Variants in ZNF423 observed in about 807,000 individuals in gnomAD.
The protein encoded by ZNF423 is Ebf-associated zinc finger protein.
In ZNF423, 12 loss-of-function variants were observed where a neutral mutation model predicts 95.8. The ratio of observed to expected loss-of-function variants is 0.13; its 90% CI spans 0.08 to 0.20. The LOEUF (loss-of-function observed/expected upper bound fraction) is 0.20, where lower values mean the gene tolerates loss of function less well. Ranked by LOEUF, ZNF423 falls within the 10% of genes least tolerant of loss-of-function variation. The pLI, the probability that ZNF423 is intolerant of heterozygous loss-of-function variation, is 1.00. For synonymous variants in ZNF423, 749 were observed against 711.9 expected, an observed-to-expected ratio of 1.05 and a Z score of -0.83; for missense variants, 1,316 against 1,737.1, an observed-to-expected ratio of 0.76 and a Z score of 4.31.
intron 4 of ZNF423, among the ~76,000 whole-genome samples, chr16:49,629,630 G>T (rs762777846): frequency 1.3e-5 from 2 of 152,216 alleles, no homozygotes; most frequent in African/African-American, 2.4e-5. Context: ...ATACATTGTT[G>T]TGTCAGGGTG....
At chr16:49,517,774 C>G (rs1242930972) in intron 7 of ZNF423, 1 of 345,462 alleles carries the variant, frequency 2.9e-6, no homozygotes, top group Non-Finnish European at 5.6e-6. Flanking sequence ...ACTTGGGCTA[C>G]TTTAACTCTG....
At chr16:49,824,315 T>C (rs2034982356) in intron 1 of ZNF423, among the ~76,000 whole-genome samples, 1 of 152,064 alleles carries the variant, frequency 6.6e-6, no homozygotes, top group Non-Finnish European at 1.5e-5. Flanking sequence ...CTGTCACAGG[T>C]AGGGACCCTG....
At chr16:49,756,300 G>T (rs758890873) in intron 2 of ZNF423, among the ~76,000 whole-genome samples, 1 of 152,204 alleles carries the variant, frequency 6.6e-6, no homozygotes. Flanking sequence ...CTATCTTAAT[G>T]ACAGCTCTCT....
At chr16:49,842,410 A>AAGGAAGGAAGGCAGGC (rs1448904663) in intron 1 of ZNF423, among the ~76,000 whole-genome samples, 82 of 77,934 alleles carry the variant, frequency 1.1e-3, no homozygotes, top group East Asian at 3.8e-3. Context: ...GGAAGGAAGG[A>AAGGAAGGAAGGCAGGC]AGGCAGGCAG....
At chr16:49,621,904 C>T (rs963890525) in intron 5 of ZNF423, among the ~76,000 whole-genome samples, 2 of 152,224 alleles carry the variant, frequency 1.3e-5, no homozygotes, top group Non-Finnish European at 2.9e-5. Context: ...CCTGTTCACT[C>T]ACCCCAGGAC....
chr16:49,724,338 TA>T (rs1189113902), intron 3 of ZNF423, among the ~76,000 whole-genome samples: 1 of 152,194 alleles, frequency 6.6e-6, no homozygotes, highest in Non-Finnish European at 1.5e-5. Context: ...ACTCTTAAGA[TA>T]GGGGGCGGAT....
chr16:49,559,331 G>C (rs144603688), intron 5 of ZNF423, among the ~76,000 whole-genome samples: 14 of 152,330 alleles, frequency 9.2e-5, no homozygotes, highest in Non-Finnish European at 1.6e-4. Context: ...AAGAAAAACA[G>C]AAAAGCAAAG....
At chr16:49,618,370 C>T (rs1971946868) in intron 5 of ZNF423, among the ~76,000 whole-genome samples, 1 of 152,210 alleles carries the variant, frequency 6.6e-6, no homozygotes, top group East Asian at 1.9e-4. Context: ...CAAATTTCAT[C>T]TCGAATTGTA....
At chr16:49,706,878 G>C (rs763689145) in intron 3 of ZNF423, among the ~76,000 whole-genome samples, 8 of 152,150 alleles carry the variant, frequency 5.3e-5, no homozygotes, top group Non-Finnish European at 8.8e-5. Flanking sequence ...TCACATGGCA[G>C]GTGGTCCCAG....
chr16:49,840,468 G>T (rs186485724), intron 1 of ZNF423, among the ~76,000 whole-genome samples: 1 of 152,120 alleles, frequency 6.6e-6, no homozygotes, highest in Non-Finnish European at 1.5e-5. Flanking sequence ...CTTCTTTCTC[G>T]TTACAGGGTC....
chr16:49,653,554 T>C (rs921009381), intron 3 of ZNF423, among the ~76,000 whole-genome samples: 7 of 152,148 alleles, frequency 4.6e-5, no homozygotes, highest in African/African-American at 7.2e-5. Context: ...GGTCTGGACA[T>C]GCTCAGGAGC....
In ZNF423 at chr16:49,517,171, G is replaced by A. The variant is rs139836231; in HGVS notation, c.3849+6453C>T. Among the ~76,000 whole-genome samples the A allele has an allele frequency of 4.0e-4, 61 of 152,306 alleles. 1 individual carries two copies. The East Asian group carries it at 0.012, about 29-fold the overall frequency. On this transcript the variant is annotated intron_variant, in intron 7 of 7. Transcript: ENST00000563137. Reference sequence around the variant, plus strand: ...GACACTTGGCTCCGGGAATAGGGCTGCCAAAAACCCAACATTGCTTCCTGC... The same window carrying A: ...GACACTTGGCTCCGGGAATAGGGCTACCAAAAACCCAACATTGCTTCCTGC...
chr16:49,517,290 C>A (rs1294332971), intron 7 of ZNF423, among the ~76,000 whole-genome samples: 3 of 152,190 alleles, frequency 2.0e-5, no homozygotes, highest in African/African-American at 7.2e-5. Context: ...CATGACTATC[C>A]AGGACCAAAA....
At chr16:49,627,931 A>C (rs1972356541) in intron 4 of ZNF423, among the ~76,000 whole-genome samples, 1 of 147,732 alleles carries the variant, frequency 6.8e-6, no homozygotes, top group Non-Finnish European at 1.5e-5. Flanking sequence ...CCACCAATAG[A>C]CCCATCCATC....
chr16:49,663,816 C>T (rs1304772179), intron 3 of ZNF423, among the ~76,000 whole-genome samples: 1 of 152,148 alleles, frequency 6.6e-6, no homozygotes, highest in East Asian at 1.9e-4. Flanking sequence ...CCAGGGCCCT[C>T]CCCATCCCCA....
chr16:49,687,673 T>G (rs992299279), intron 3 of ZNF423, among the ~76,000 whole-genome samples: 1 of 152,206 alleles, frequency 6.6e-6, no homozygotes, highest in South Asian at 2.1e-4. Flanking sequence ...CTTTAATTAC[T>G]GCCTGCATCC....
chr16:49,569,204 C>T (rs530574069), intron 5 of ZNF423, among the ~76,000 whole-genome samples: 56 of 152,326 alleles, frequency 3.7e-4, no homozygotes, highest in Non-Finnish European at 6.3e-4. Context: ...TAACCAGTTT[C>T]CCCCCTTCCA....
intron 5 of ZNF423, among the ~76,000 whole-genome samples, chr16:49,553,039 C>T (rs900516798): frequency 8.5e-5 from 13 of 152,102 alleles, no homozygotes; most frequent in Non-Finnish European, 1.8e-4. Flanking sequence ...CCCCAGCTTT[C>T]TCCTGGGATG....
chr16:49,793,006 G>A (rs1290482332), intron 1 of ZNF423, among the ~76,000 whole-genome samples: 1 of 152,146 alleles, frequency 6.6e-6, no homozygotes, highest in Admixed American at 6.5e-5. Flanking sequence ...CTGGGCTCAA[G>A]TGATCTCCAC....
Sources: allele counts gnomAD v4.1 joint callset (sites outside exome capture counted in the v4.1 genomes callset), GRCh38; gene constraint gnomAD v4.1.1; transcripts MANE v1.5; gene names NCBI Gene and HGNC (gene_info 2026-07-23, HGNC 2026-07-21).